ZFHX3: variants seen among roughly 807,000 people sequenced by gnomAD.
ZFHX3 encodes zinc finger homeobox 3.
A neutral mutation model predicts 279.1 loss-of-function variants in ZFHX3; 42 were observed. The ratio of observed to expected loss-of-function variants is 0.15; its 90% CI spans 0.12 to 0.19. ZFHX3 has a LOEUF of 0.19. Among genes scored for constraint, ZFHX3 ranks in the 10% least tolerant of loss-of-function variants. The probability of loss-of-function intolerance (pLI) is 1.00; values close to 1 mark genes in which losing one functional copy is unlikely to be tolerated. For missense variants in ZFHX3, 4,981 were observed against 4,754.0 expected, an observed-to-expected ratio of 1.05 and a Z score of -1.40; for synonymous variants, 2,293 against 1,957.8, an observed-to-expected ratio of 1.17 and a Z score of -4.52.
intron 4 of ZFHX3, among the ~76,000 whole-genome samples, chr16:72,865,065 T>C (rs2037981586): frequency 6.6e-6 from 1 of 152,222 alleles, no homozygotes; most frequent in Non-Finnish European, 1.5e-5. Context: ...ACTGTCAGGA[T>C]AGTGACAGCC....
chr16:72,857,403 T>G (rs976583347), intron 4 of ZFHX3, among the ~76,000 whole-genome samples: 1 of 152,176 alleles, frequency 6.6e-6, no homozygotes. Context: ...AAATAAAGAC[T>G]AAGCTGAGTG....
intron 1 of ZFHX3, among the ~76,000 whole-genome samples, chr16:73,750,239 A>T (rs1422850710): frequency 6.6e-6 from 1 of 152,214 alleles, no homozygotes. Context: ...TCGTCCCAGG[A>T]AGAAAAAAAC....
intron 5 of ZFHX3, among the ~76,000 whole-genome samples, chr16:73,183,225 C>A (rs1425567857): frequency 1.3e-5 from 2 of 152,058 alleles, no homozygotes; most frequent in Non-Finnish European, 2.9e-5. Flanking sequence ...AAAAAAATTA[C>A]CTCTTAGGTA....
chr16:73,587,894 A>T (rs558930937), intron 2 of ZFHX3, among the ~76,000 whole-genome samples: 1 of 152,250 alleles, frequency 6.6e-6, no homozygotes, highest in Non-Finnish European at 1.5e-5. Flanking sequence ...CAGCAATTTC[A>T]TATAATACAA....
chr16:73,498,996 T>C (rs546711892), intron 2 of ZFHX3, among the ~76,000 whole-genome samples: 1 of 152,272 alleles, frequency 6.6e-6, no homozygotes, highest in Admixed American at 6.5e-5. Flanking sequence ...CCCCAAAATG[T>C]GTGAACTATG....
chr16:73,205,008 G>A (rs937125367), intron 5 of ZFHX3, among the ~76,000 whole-genome samples: 2 of 152,170 alleles, frequency 1.3e-5, no homozygotes, highest in Non-Finnish European at 2.9e-5. Flanking sequence ...ACCCCAGGAA[G>A]GTGATTTCCT....
intron 3 of ZFHX3, among the ~76,000 whole-genome samples, chr16:73,431,343 C>T (rs989169317): frequency 6.6e-6 from 1 of 151,974 alleles, no homozygotes; most frequent in Non-Finnish European, 1.5e-5. Flanking sequence ...AGTTCAAGAC[C>T]AGCACGATCA....
chr16:73,804,244 A>G (rs1037832045), intron 1 of ZFHX3, among the ~76,000 whole-genome samples: 2 of 152,248 alleles, frequency 1.3e-5, no homozygotes, highest in Non-Finnish European at 2.9e-5. Context: ...GTTACCTTCT[A>G]TACACATAAT....
intron 5 of ZFHX3, among the ~76,000 whole-genome samples, chr16:72,818,259 G>A (rs1038538118): frequency 1.3e-5 from 2 of 152,248 alleles, no homozygotes; most frequent in African/African-American, 4.8e-5. Flanking sequence ...CATACCTCAT[G>A]CTCCCACTAG....
At chr16:73,624,462 G>A (rs2052396794) in intron 2 of ZFHX3, among the ~76,000 whole-genome samples, 1 of 97,330 alleles carries the variant, frequency 1.0e-5, no homozygotes. Flanking sequence ...GAGACCTAGA[G>A]TCAGGGGGCA....
chr16:73,385,911 G>C (rs1597311655), intron 3 of ZFHX3, among the ~76,000 whole-genome samples: 1 of 152,098 alleles, frequency 6.6e-6, no homozygotes, highest in Non-Finnish European at 1.5e-5. Flanking sequence ...GTGCCTTGTG[G>C]TCAGGTGGCT....
intron 4 of ZFHX3, among the ~76,000 whole-genome samples, chr16:73,311,240 C>CA (rs201871340): frequency 0.014 from 2,067 of 147,632 alleles, 41 homozygotes; most frequent in African/African-American, 0.046. Flanking sequence ...TCTCCCTCCA[C>CA]AAAAAAAAAC....
intron 2 of ZFHX3, among the ~76,000 whole-genome samples, chr16:73,555,862 A>T (rs1197305730): frequency 6.6e-6 from 1 of 151,998 alleles, no homozygotes; most frequent in East Asian, 1.9e-4. Context: ...AAAAGGATGC[A>T]GTTACGAGGT....
At position 72,958,617 on chromosome 16, in the gene ZFHX3, T is replaced by C. The variant is rs2144444350; in HGVS notation, c.1529A>G (p.Glu510Gly). 6.2e-7 allele frequency: 1 copy of C among 1,614,052 alleles called. No homozygotes were observed. The highest frequency in any genetic ancestry group is 1.3e-5 in the African/African-American group (1 of 74,992). Reference sequence around the variant, plus strand: ...GCTACTACCTGCTGCGGCCCCAGGCTCCTCATGGGGCCTGTCCTCCAGTTC... The same window carrying C: ...GCTACTACCTGCTGCGGCCCCAGGCCCCTCATGGGGCCTGTCCTCCAGTTC... ...DEELEDRPHE[E>G]PGAAAGSSSK... Residue 510 changes from glutamate to glycine, a missense_variant, in exon 2 of 10, where the codon GAG (glutamate) becomes GGG (glycine). Coordinates refer to ENST00000268489, the MANE Select transcript of ZFHX3 (RefSeq NM_006885.4).
intron 1 of ZFHX3, among the ~76,000 whole-genome samples, chr16:72,980,098 C>T (rs987988203): frequency 1.3e-5 from 2 of 152,190 alleles, no homozygotes; most frequent in South Asian, 2.1e-4. Flanking sequence ...ACTGTTTCCA[C>T]TGATAGACAA....
chr16:72,971,802 A>T (rs964056244), intron 1 of ZFHX3, among the ~76,000 whole-genome samples: 2 of 151,444 alleles, frequency 1.3e-5, no homozygotes, highest in African/African-American at 4.9e-5. Flanking sequence ...TTTAACTCAC[A>T]TTCTTTACTC....
chr16:72,869,878 A>G (rs1187575535), intron 4 of ZFHX3, among the ~76,000 whole-genome samples: 4 of 152,242 alleles, frequency 2.6e-5, no homozygotes, highest in Admixed American at 2.6e-4. Context: ...CTAACTGACC[A>G]AAGCTGATGC....
At chr16:72,886,751 G>A (rs2038633003) in intron 4 of ZFHX3, among the ~76,000 whole-genome samples, 1 of 152,206 alleles carries the variant, frequency 6.6e-6, no homozygotes, top group African/African-American at 2.4e-5. Context: ...TGACTCAACA[G>A]TGCACTAATG....
chr16:73,170,379 T>G (rs1967494441), intron 5 of ZFHX3, among the ~76,000 whole-genome samples: 2 of 151,858 alleles, frequency 1.3e-5, no homozygotes, highest in South Asian at 4.2e-4. Flanking sequence ...TACAGTCACA[T>G]GTCACCAGAC....
Sources: gnomAD v4.1 joint callset for allele counts (sites outside exome capture counted in the v4.1 genomes callset) on GRCh38, gnomAD v4.1.1 for gene constraint, MANE v1.5 for transcripts, NCBI Gene and HGNC (gene_info 2026-07-23, HGNC 2026-07-21) for gene names.